Variants in HLCS observed in about 807,000 individuals in gnomAD.
The protein encoded by HLCS is holocarboxylase synthetase.
Under a neutral mutation model 75.0 loss-of-function variants are expected in HLCS, and 53 were observed. That is an observed-to-expected ratio of 0.71 (90% CI 0.57 to 0.89). The LOEUF (loss-of-function observed/expected upper bound fraction) is 0.89. Among genes scored for constraint, HLCS ranks in the 40% least tolerant of loss-of-function variants. The probability of loss-of-function intolerance (pLI) is 0.00; values close to 1 mark genes in which losing one functional copy is unlikely to be tolerated. For synonymous variants in HLCS, 431 were observed against 428.6 expected (o/e 1.01, Z -0.07); for missense variants, 966 against 1,074.0 (o/e 0.90, Z 1.41).
At chr21:36,899,546 C>A (rs914571629) in intron 5 of HLCS, among the ~76,000 whole-genome samples, 2 of 152,154 alleles carry the variant, frequency 1.3e-5, no homozygotes, top group African/African-American at 4.8e-5. Context: ...ATCTCTTGAA[C>A]CCAGGTGGCG....
At chr21:36,896,793 T>C (rs771169174) in intron 6 of HLCS, 67 bp downstream of exon 6, 31 of 1,554,482 alleles carry the variant, frequency 2.0e-5, no homozygotes, top group Middle Eastern at 3.5e-4. Flanking sequence ...TCCCCGTCTA[T>C]TGGTAAGAGA....
chr21:36,907,067 C>A (rs1347890900), intron 5 of HLCS, among the ~76,000 whole-genome samples: 1 of 152,100 alleles, frequency 6.6e-6, no homozygotes, highest in Non-Finnish European at 1.5e-5. Context: ...CCCAAGATAA[C>A]TGACTTGAAA....
chr21:36,933,239 T>C (rs2066726392), intron 4 of HLCS, among the ~76,000 whole-genome samples: 1 of 152,064 alleles, frequency 6.6e-6, no homozygotes, highest in South Asian at 2.1e-4. Context: ...ATGCCAATCA[T>C]GGGACAACAG....
intron 5 of HLCS, among the ~76,000 whole-genome samples, chr21:36,900,797 T>G (rs1391085823): frequency 6.6e-6 from 1 of 152,106 alleles, no homozygotes; most frequent in East Asian, 1.9e-4. Flanking sequence ...TGCTAACAAG[T>G]CATATCTGAG....
chr21:36,889,863 T>TAA (rs1450771578), intron 6 of HLCS, among the ~76,000 whole-genome samples: 1 of 152,140 alleles, frequency 6.6e-6, no homozygotes, highest in Admixed American at 6.6e-5. Context: ...AAACTGGCAA[T>TAA]ACACACAGCA....
chr21:36,944,052 A>C (rs756007186), intron 2 of HLCS: 3 of 152,176 alleles, frequency 2.0e-5, no homozygotes, highest in Non-Finnish European at 2.9e-5. Context: ...GCTTCTAGAC[A>C]CTTCAGAATC....
chr21:36,827,809 C>CTT (rs1441038910), intron 6 of HLCS, among the ~76,000 whole-genome samples: 1 of 133,316 alleles, frequency 7.5e-6, no homozygotes, highest in Non-Finnish European at 1.6e-5. Context: ...TTTTCTTTTT[C>CTT]TTTCTTTCTT....
chr21:36,949,800 G>C (rs560035569), intron 2 of HLCS, among the ~76,000 whole-genome samples: 1 of 152,228 alleles, frequency 6.6e-6, no homozygotes, highest in African/African-American at 2.4e-5. Context: ...TGGAAACAGC[G>C]CAGCGAACCT....
chr21:36,984,443 A>G (rs2069188923), intron 1 of HLCS, among the ~76,000 whole-genome samples: 1 of 152,220 alleles, frequency 6.6e-6, no homozygotes, highest in Non-Finnish European at 1.5e-5. Context: ...CTGATCACCA[A>G]CAGAGCTACT....
chr21:36,759,018 G>A, intron 9 of HLCS: 1 of 440,700 alleles, frequency 2.3e-6, no homozygotes. Flanking sequence ...GAGCTTTAAG[G>A]GTATGAAGTA....
At chr21:36,879,755 G>A (rs1269548539) in intron 6 of HLCS, among the ~76,000 whole-genome samples, 12 of 151,962 alleles carry the variant, frequency 7.9e-5, no homozygotes, top group African/African-American at 2.7e-4. Context: ...CAAAAGCTAC[G>A]AAAAGTTAGC....
At chr21:36,782,209 A>C (rs1801238506) in intron 6 of HLCS, among the ~76,000 whole-genome samples, 1 of 152,158 alleles carries the variant, frequency 6.6e-6, no homozygotes, top group South Asian at 2.1e-4. Context: ...ATTTTTGATG[A>C]GCCCATCCTT....
intron 1 of HLCS, among the ~76,000 whole-genome samples, chr21:36,966,086 G>T (rs1292595945): frequency 6.6e-6 from 1 of 152,164 alleles, no homozygotes; most frequent in Non-Finnish European, 1.5e-5. Flanking sequence ...CCTGGTTCAC[G>T]GTCACCCAAA....
chr21:36,798,540 T>C (rs1416447713), intron 6 of HLCS, among the ~76,000 whole-genome samples: 1 of 152,252 alleles, frequency 6.6e-6, no homozygotes, highest in Non-Finnish European at 1.5e-5. Context: ...ATTGACTGAC[T>C]GATTGATCTG....
intron 5 of HLCS, among the ~76,000 whole-genome samples, chr21:36,918,176 A>G (rs1309753378): frequency 6.6e-6 from 1 of 152,076 alleles, no homozygotes; most frequent in Non-Finnish European, 1.5e-5. Flanking sequence ...TGGTACACTA[A>G]CTCCTATGTA....
intron 6 of HLCS, among the ~76,000 whole-genome samples, chr21:36,802,707 TC>T (rs557942268): frequency 2.8e-3 from 424 of 152,248 alleles, no homozygotes; most frequent in African/African-American, 9.8e-3. Context: ...AGAACAGAGA[TC>T]CTGTGATAAA....
Position 36,966,425 on chromosome 21 carries a change from GCC to G in HLCS, c.195+17_195+18del. Reference sequence around the variant, plus strand: ...CCGGCTCGCGGGGCCCGGGTCGCCCGCCCGCCCGACCCGCCCACCTGGCTGTC... The same window carrying G: ...CCGGCTCGCGGGGCCCGGGTCGCCCGCGCCCGACCCGCCCACCTGGCTGTC... On this transcript the variant is annotated intron_variant, in intron 1 of 10. Coordinates refer to ENST00000674895, the MANE Select transcript of HLCS (RefSeq NM_001352514.2). The G allele has an allele frequency of 3.1e-5, 6 of 195,434 alleles. No homozygotes were observed. The highest frequency in any genetic ancestry group is 2.0e-4 in the South Asian group (1 of 5,108). 12.1% of individuals were successfully genotyped at this position (195,434 alleles called of 1,614,324 possible).
intron 5 of HLCS, among the ~76,000 whole-genome samples, chr21:36,898,188 G>A (rs2065088075): frequency 6.6e-6 from 1 of 152,158 alleles, no homozygotes; most frequent in Non-Finnish European, 1.5e-5. Flanking sequence ...GTTCACACCT[G>A]TAATCCCAGC....
chr21:36,781,279 C>G (rs1308759318), intron 6 of HLCS, among the ~76,000 whole-genome samples: 1 of 145,106 alleles, frequency 6.9e-6, no homozygotes, highest in African/African-American at 2.5e-5. Context: ...AAAAAAAAAG[C>G]CTTGATGGTA....
Sources: allele counts gnomAD v4.1 joint callset (sites outside exome capture counted in the v4.1 genomes callset), GRCh38; gene constraint gnomAD v4.1.1; transcripts MANE v1.5; gene names NCBI Gene and HGNC (gene_info 2026-07-23, HGNC 2026-07-21).